SOX6: variants seen among roughly 807,000 people sequenced by gnomAD.
SOX6 encodes the protein transcription factor SOX-6.
In SOX6, 11 loss-of-function variants were observed where a neutral mutation model predicts 97.8. The ratio of observed to expected loss-of-function variants is 0.11; its 90% CI spans 0.07 to 0.19. The LOEUF (loss-of-function observed/expected upper bound fraction) is 0.19. SOX6 is among the 10% of genes least tolerant of loss of function. SOX6 has a pLI of 1.00. For synonymous variants in SOX6, 360 were observed against 371.4 expected, an observed-to-expected ratio of 0.97 and a Z score of 0.35; for missense variants, 810 against 1,039.5, an observed-to-expected ratio of 0.78 and a Z score of 3.04.
intron 3 of SOX6, among the ~76,000 whole-genome samples, chr11:16,658,524 C>T (rs959807589): frequency 2.0e-5 from 3 of 152,016 alleles, no homozygotes; most frequent in East Asian, 1.9e-4. Context: ...CTGGCTAACA[C>T]GATGAAACCC....
chr11:16,433,805 G>A (rs1859317147), intron 1 of SOX6, among the ~76,000 whole-genome samples: 1 of 152,032 alleles, frequency 6.6e-6, no homozygotes, highest in African/African-American at 2.4e-5. Flanking sequence ...AGAATATTAT[G>A]AAAAGGATAA....
chr11:16,588,023 A>C (rs1249289781), intron 4 of SOX6, among the ~76,000 whole-genome samples: 1 of 152,232 alleles, frequency 6.6e-6, no homozygotes, highest in Non-Finnish European at 1.5e-5. Flanking sequence ...AGCACTCTCC[A>C]GGAGCACACT....
chr11:16,613,841 G>A lies in SOX6; in HGVS notation n.430-1581C>T, dbSNP rs1475470431. Among the ~76,000 whole-genome samples the A allele has an allele frequency of 6.6e-6, 1 of 152,128 alleles. No individual in the cohort carries two copies. The highest frequency in any genetic ancestry group is 1.5e-5 in the Non-Finnish European group (1 of 68,018). ...TAAGTCGCCACCTTGAGGTCGAGGGGAAGACTGCGCCCAGCTAGGGGCTGT... is the reference window on the plus strand; with the variant it reads ...TAAGTCGCCACCTTGAGGTCGAGGGAAAGACTGCGCCCAGCTAGGGGCTGT... On this transcript the variant is annotated intron_variant and non_coding_transcript_variant, in intron 3 of 5. Transcript: ENST00000524520. This position sits in a 1 kb window ranked among gnomAD's most constrained non-coding sequence, Gnocchi z 4.6.
chr11:16,697,466 T>C (rs1307474696), intron 3 of SOX6, among the ~76,000 whole-genome samples: 4 of 152,136 alleles, frequency 2.6e-5, no homozygotes, highest in Admixed American at 6.5e-5. Context: ...AAACCCCATC[T>C]CTACTAAAAA....
intron 1 of SOX6, among the ~76,000 whole-genome samples, chr11:16,442,152 T>C (rs1300984075): frequency 1.3e-5 from 2 of 152,230 alleles, no homozygotes; most frequent in Non-Finnish European, 2.9e-5. Flanking sequence ...ATTAATTAGT[T>C]GTTTCTCTGA....
At chr11:16,580,810 AG>A (rs1848025754) in intron 4 of SOX6, among the ~76,000 whole-genome samples, 1 of 152,242 alleles carries the variant, frequency 6.6e-6, no homozygotes, top group African/African-American at 2.4e-5. Context: ...ACTTCTCAAA[AG>A]AAGACATTTA....
chr11:16,724,956 T>C (rs1848295859), intron 2 of SOX6, among the ~76,000 whole-genome samples: 1 of 152,184 alleles, frequency 6.6e-6, no homozygotes, highest in Non-Finnish European at 1.5e-5. Context: ...AGTCTGACAG[T>C]TCCTCAAAAA....
intron 1 of SOX6, among the ~76,000 whole-genome samples, chr11:16,355,247 G>C (rs1275788482): frequency 6.6e-6 from 1 of 151,936 alleles, no homozygotes; most frequent in Non-Finnish European, 1.5e-5. Flanking sequence ...AGGTATCTAG[G>C]AAAGCTGGAT....
chr11:16,247,432 G>A (rs1009079247), intron 3 of SOX6, among the ~76,000 whole-genome samples: 50 of 152,194 alleles, frequency 3.3e-4, no homozygotes, highest in African/African-American at 1.2e-3. Flanking sequence ...TTCTCATGCT[G>A]CTGTAAAGAA....
upstream of SOX6, among the ~76,000 whole-genome samples, chr11:16,476,744 G>A (rs1189468154): frequency 1.3e-5 from 2 of 152,172 alleles, no homozygotes; most frequent in Non-Finnish European, 2.9e-5. Context: ...TCTGCAAGTT[G>A]AAATGAATTA....
chr11:16,486,758 G>A (rs1860442260), intron 4 of SOX6, among the ~76,000 whole-genome samples: 1 of 152,038 alleles, frequency 6.6e-6, no homozygotes. Flanking sequence ...TGAGGCAGAA[G>A]AATCACTTGA....
intron 6 of SOX6, among the ~76,000 whole-genome samples, chr11:16,127,346 C>T (rs1849633877): frequency 6.6e-6 from 1 of 151,900 alleles, no homozygotes; most frequent in Admixed American, 6.6e-5. Flanking sequence ...ACTTACTCAC[C>T]TCTAGCATTC....
At chr11:16,330,320 G>A (rs1489585299) in intron 2 of SOX6, among the ~76,000 whole-genome samples, 2 of 152,130 alleles carry the variant, frequency 1.3e-5, no homozygotes, top group Non-Finnish European at 2.9e-5. Flanking sequence ...TTGGGAGGCC[G>A]AGGCGGGCAA....
chr11:16,074,718 TAATGGAAAATG>T (rs966270724), intron 9 of SOX6, among the ~76,000 whole-genome samples: 5 of 152,056 alleles, frequency 3.3e-5, no homozygotes, highest in African/African-American at 1.2e-4. Flanking sequence ...CAGATGATAC[TAATGGAAAATG>T]AATGGAAAAA....
At chr11:16,627,222 G>C (rs187150396) in intron 3 of SOX6, among the ~76,000 whole-genome samples, 2 of 152,028 alleles carry the variant, frequency 1.3e-5, no homozygotes, top group Admixed American at 6.6e-5. Flanking sequence ...CCAGTCCACC[G>C]TTGATGGGCA....
intron 3 of SOX6, among the ~76,000 whole-genome samples, chr11:16,623,838 T>C (rs1357521221): frequency 6.6e-6 from 1 of 152,180 alleles, no homozygotes; most frequent in African/African-American, 2.4e-5. Context: ...ATATGAAGTC[T>C]CCATGTCTAT....
intron 12 of SOX6, among the ~76,000 whole-genome samples, chr11:16,021,294 C>G (rs1050979133): frequency 6.6e-6 from 1 of 152,136 alleles, no homozygotes; most frequent in Non-Finnish European, 1.5e-5. Flanking sequence ...TATTCTGTCT[C>G]TTACTCTGAA....
intron 4 of SOX6, among the ~76,000 whole-genome samples, chr11:16,523,013 C>T (rs1358874525): frequency 6.6e-6 from 1 of 152,166 alleles, no homozygotes; most frequent in Non-Finnish European, 1.5e-5. Flanking sequence ...GAGACTTAGA[C>T]TCCCACACAA....
chr11:16,710,099 T>C (rs1007458933), intron 3 of SOX6, among the ~76,000 whole-genome samples: 4 of 152,340 alleles, frequency 2.6e-5, no homozygotes, highest in East Asian at 1.9e-4. Context: ...AAATGCATTA[T>C]AATTTTTCCT....
Sources: allele counts gnomAD v4.1 joint callset (sites outside exome capture counted in the v4.1 genomes callset), GRCh38; gene constraint gnomAD v4.1.1; non-coding constraint Gnocchi (gnomAD v3.1); transcripts MANE v1.5; gene names NCBI Gene and HGNC (gene_info 2026-07-23, HGNC 2026-07-21).